CLN6: variants seen among roughly 807,000 people sequenced by gnomAD.
CLN6 encodes the protein ceroid-lipofuscinosis neuronal protein 6.
In CLN6, 22 loss-of-function variants were observed where a neutral mutation model predicts 33.3. The ratio of observed to expected loss-of-function variants is 0.66; its 90% confidence interval spans 0.47 to 0.94. The LOEUF (loss-of-function observed/expected upper bound fraction) is 0.94, where lower values mean the gene tolerates loss of function less well. Among genes scored for constraint, CLN6 ranks in the 40% least tolerant of loss-of-function variants. The pLI is 0.00. For missense variants in CLN6, 387 were observed against 417.1 expected, an observed-to-expected ratio of 0.93 and a Z score of 0.63; for synonymous variants, 201 against 174.6, an observed-to-expected ratio of 1.15 and a Z score of -1.19.
chr15:68,251,406 G>A (rs941883147), intron 1 of CLN6, among the ~76,000 whole-genome samples: 7 of 152,146 alleles, frequency 4.6e-5, no homozygotes, highest in Non-Finnish European at 8.8e-5. Context: ...CAGGCGCAGT[G>A]GCTCACACCT....
At chr15:68,218,829 G>A (rs1246258672) in intron 1 of CLN6, among the ~76,000 whole-genome samples, 179 bp from the exon 2 acceptor site, 1 of 152,124 alleles carries the variant, frequency 6.6e-6, no homozygotes, top group Non-Finnish European at 1.5e-5. Flanking sequence ...TCAAGGAGAA[G>A]GTGGACTTCA....
At chr15:68,253,552 T>C (rs1892401582) in intron 1 of CLN6, among the ~76,000 whole-genome samples, 1 of 152,240 alleles carries the variant, frequency 6.6e-6, no homozygotes, top group Non-Finnish European at 1.5e-5. Context: ...ACCACTAGCA[T>C]TAGAACCACT....
intron 2 of CLN6, among the ~76,000 whole-genome samples, chr15:68,216,645 A>ATT (rs2141143472): frequency 6.6e-6 from 1 of 152,350 alleles, no homozygotes; most frequent in South Asian, 2.1e-4. Context: ...TTTCTGCTTA[A>ATT]TTGCCAGGAA....
chr15:68,221,441 A>C (rs71400390), intron 1 of CLN6, among the ~76,000 whole-genome samples: 4 of 151,644 alleles, frequency 2.6e-5, no homozygotes, highest in Non-Finnish European at 5.9e-5. Flanking sequence ...CGTGTTGACC[A>C]GGCTGGTCTC....
In CLN6 at chr15:68,207,710, G is replaced by A. The variant is rs1049268058; in HGVS notation, c.*430C>T. 6 of 287,744 alleles carry A rather than the reference G, an allele frequency of 2.1e-5. No individual in the cohort carries two copies. Among genetic ancestry groups the A allele is most frequent in the Admixed American group, 1.9e-4 (4 of 20,764 alleles). The allele number at this position is 287,744 out of a possible 1,614,324, so 17.8% of individuals were successfully genotyped here. A position where few individuals can be genotyped will look rare whatever the true frequency, so the allele number is the denominator to read the frequency against. ...TAGGGTCAGGGTGGGCCTGAGGGAT[G>A]AGCCAGGTGGTGGGCAGGTGACACA... On this transcript the variant is annotated 3_prime_UTR_variant, in exon 7 of 7. Coordinates refer to ENST00000249806, the MANE Select transcript of CLN6 (RefSeq NM_017882.3).
At chr15:68,255,664 C>A (rs569963367) in intron 1 of CLN6, among the ~76,000 whole-genome samples, 1 of 152,174 alleles carries the variant, frequency 6.6e-6, no homozygotes, top group African/African-American at 2.4e-5. Flanking sequence ...GCCTGAAATG[C>A]CATGATTGTT....
chr15:68,211,999 T>G lies in CLN6; in HGVS notation c.298-136A>C. The G allele has an allele frequency of 1.1e-6, 1 of 875,866 alleles. No individual in the cohort carries two copies. The highest frequency in any genetic ancestry group is 1.8e-6 in the Non-Finnish European group (1 of 565,346). 54.3% of individuals were successfully genotyped at this position (875,866 alleles called of 1,614,324 possible). Reference sequence around the variant, plus strand: ...TCACTCCAAAAAGTGGCTGGTCCCTTTAGCAGGCCAGCCCAGCCTCCAGAT... The same window carrying G: ...TCACTCCAAAAAGTGGCTGGTCCCTGTAGCAGGCCAGCCCAGCCTCCAGAT... On this transcript the variant is annotated intron_variant, in intron 3 of 6. Transcript: ENST00000249806. This position sits in a 1 kb window ranked among gnomAD's most constrained non-coding sequence, Gnocchi z 5.9.
In CLN6 at chr15:68,208,058, C is replaced by CA; in HGVS notation, c.*81dup. On this transcript the variant is annotated 3_prime_UTR_variant, in exon 7 of 7. Coordinates refer to ENST00000249806, the MANE Select transcript of CLN6 (RefSeq NM_017882.3). This position sits in a 1 kb window ranked among gnomAD's most constrained non-coding sequence, Gnocchi z 5.8. ...CTCTCGGTCTCTGGTTACACACCCA[C>CA]ACCCCCCCTACTCCTGTATTCAGAT... The CA allele has an allele frequency of 6.8e-7, 1 of 1,476,542 alleles. No homozygotes were observed. The highest frequency in any genetic ancestry group is 9.2e-7 in the Non-Finnish European group (1 of 1,084,802). 91.5% of individuals were successfully genotyped at this position (1,476,542 alleles called of 1,614,324 possible). A position where few individuals can be genotyped will look rare whatever the true frequency, so the allele number is the denominator to read the frequency against.
rs1286806389 is a variant in CLN6, at chr15:68,209,689, A to G, written c.613T>C (p.Leu205=). The G allele has an allele frequency of 1.9e-6, 3 of 1,613,668 alleles. No homozygotes were observed. The highest frequency in any genetic ancestry group is 2.5e-6 in the Non-Finnish European group (3 of 1,179,968). The change falls in exon 6 of 7, where the codon TTG becomes CTG. Residue 205 remains leucine (L), a synonymous_variant. Transcript: ENST00000249806. This position sits in a 1 kb window ranked among gnomAD's most constrained non-coding sequence, Gnocchi z 4.9. ...GCFTASKAES[L]IPGPALLLVA... is the part of the protein sequence containing the mutation. The stretch of plus-strand genomic sequence containing the variant: ...AGGAGCAGGGCAGGCCCTGGAATCA[A>G]GCTCTCAGCTTTAGAGGCAGTAAAG...
chr15:68,233,482 C>A (rs1024712326), upstream of CLN6, among the ~76,000 whole-genome samples: 1 of 152,186 alleles, frequency 6.6e-6, no homozygotes, highest in Non-Finnish European at 1.5e-5. The surrounding 1 kb of genome is among the most constrained non-coding windows in gnomAD (Gnocchi z 4.3). Context: ...AGCCACACAG[C>A]GAGTTAGAAG....
At chr15:68,226,047 C>T (rs1321346615) in intron 1 of CLN6, among the ~76,000 whole-genome samples, 3 of 151,562 alleles carry the variant, frequency 2.0e-5, no homozygotes, top group African/African-American at 7.3e-5. Flanking sequence ...TGGCTGGGCG[C>T]GGTGGCTCAG....
chr15:68,212,865 T>TA (rs771191502), intron 3 of CLN6: 3 of 152,228 alleles, frequency 2.0e-5, no homozygotes, highest in Non-Finnish European at 2.9e-5. Flanking sequence ...GTTAATTTTA[T>TA]ATAACATTTT....
upstream of CLN6, among the ~76,000 whole-genome samples, chr15:68,232,797 G>A (rs1475237308): frequency 2.0e-5 from 3 of 152,148 alleles, no homozygotes; most frequent in Non-Finnish European, 2.9e-5. This position sits in a 1 kb window ranked among gnomAD's most constrained non-coding sequence, Gnocchi z 4.7. Flanking sequence ...ATCCCAGCAC[G>A]TTGGGAGGCC....
upstream of CLN6, among the ~76,000 whole-genome samples, chr15:68,230,841 G>A (rs754468447): frequency 4.6e-5 from 7 of 152,150 alleles, no homozygotes; most frequent in African/African-American, 9.7e-5. This position sits in a 1 kb window ranked among gnomAD's most constrained non-coding sequence, Gnocchi z 4.0. Flanking sequence ...AGCCCAGGCC[G>A]CTAACTAGAA....
In CLN6 at chr15:68,211,342, G is replaced by A. The variant is rs1395924408; in HGVS notation, c.487-24C>T. ...ATCTGAGGGAGGAACGGGCAGGGCAGAGTCGGGGGATGTCGATGTCAGTCC... is the reference window on the plus strand; with the variant it reads ...ATCTGAGGGAGGAACGGGCAGGGCAAAGTCGGGGGATGTCGATGTCAGTCC... On this transcript the variant is annotated intron_variant, in intron 4 of 6. Transcript: ENST00000249806. The surrounding 1 kb of genome is among the most constrained non-coding windows in gnomAD (Gnocchi z 5.9). 3.1e-6 allele frequency: 5 copies of A among 1,613,454 alleles called. No homozygotes were observed. The highest frequency in any genetic ancestry group is 3.4e-6 in the Non-Finnish European group (4 of 1,179,644).
rs1892326333 is a variant in CLN6, at chr15:68,246,001, T to A, written c.179+10689A>T. On this transcript the variant is annotated intron_variant, in intron 1 of 6. Coordinates refer to the CLN6 transcript ENST00000538696. The surrounding 1 kb of genome is among the most constrained non-coding windows in gnomAD (Gnocchi z 4.5). The stretch of plus-strand genomic sequence containing the variant: ...CAATATATAATGATAAAGGGGTCAG[T>A]TTAGCAAGAGGATATAACAATTATA... 6.6e-6 allele frequency among the ~76,000 whole-genome samples: 1 copy of A among 152,144 alleles called. No individual in the cohort carries two copies. Among genetic ancestry groups the A allele is most frequent in the African/African-American group, 2.4e-5 (1 of 41,392 alleles).
At chr15:68,239,668 G>A (rs958147572) in intron 1 of CLN6, among the ~76,000 whole-genome samples, 1 of 152,134 alleles carries the variant, frequency 6.6e-6, no homozygotes, top group African/African-American at 2.4e-5. Context: ...ACATAGTGGG[G>A]TATTTCAATA....
intron 1 of CLN6, among the ~76,000 whole-genome samples, chr15:68,252,734 C>T (rs1892393175): frequency 6.6e-6 from 1 of 152,192 alleles, no homozygotes; most frequent in Admixed American, 6.5e-5. Flanking sequence ...TATAGCTACA[C>T]ACATCAACCT....
At chr15:68,235,629 T>G (rs938850304) in intron 1 of CLN6, among the ~76,000 whole-genome samples, 2 of 104,346 alleles carry the variant, frequency 1.9e-5, no homozygotes, top group African/African-American at 7.0e-5. Context: ...TATATATATA[T>G]ATATCGATTA....
Sources: gnomAD v4.1 joint callset for allele counts (sites outside exome capture counted in the v4.1 genomes callset) on GRCh38, gnomAD v4.1.1 for gene constraint, Gnocchi (gnomAD v3.1) non-coding constraint, MANE v1.5 for transcripts, NCBI Gene and HGNC (gene_info 2026-07-23, HGNC 2026-07-21) for gene names.